KCNIP4: variants seen among roughly 807,000 people sequenced by gnomAD.
The protein encoded by KCNIP4 is potassium voltage-gated channel interacting protein 4.
A neutral mutation model predicts 34.0 loss-of-function variants in KCNIP4; 12 were observed. The observed-to-expected ratio is 0.35, with a 90% confidence interval of 0.23 to 0.57. The LOEUF (loss-of-function observed/expected upper bound fraction) is 0.57. Ranked by LOEUF, KCNIP4 falls within the 20% of genes least tolerant of loss-of-function variation. The probability of loss-of-function intolerance (pLI) is 0.83; values close to 1 mark genes in which losing one functional copy is unlikely to be tolerated. For synonymous variants in KCNIP4, 124 were observed against 102.2 expected (o/e 1.21, Z -1.29); for missense variants, 238 against 311.7 (o/e 0.76, Z 1.78).
chr4:21,700,919 A>C lies in KCNIP4; in HGVS notation c.61+247652T>G, dbSNP rs533823710. 1.9e-4 allele frequency among the ~76,000 whole-genome samples: 29 copies of C among 152,294 alleles called. 2 individuals are homozygous for C. The South Asian group carries it at 6.0e-3, about 32-fold the overall frequency. On this transcript the variant is annotated intron_variant, in intron 1 of 8. Coordinates refer to ENST00000382152, the MANE Select transcript of KCNIP4 (RefSeq NM_025221.6). Reference sequence around the variant, plus strand: ...CTACTTCTGGGGATATATATAAAAAATTAAATTAGTATGTCAAAAAGATAT... The same window carrying C: ...CTACTTCTGGGGATATATATAAAAACTTAAATTAGTATGTCAAAAAGATAT...
At chr4:21,910,656 C>T (rs1728254607) in intron 1 of KCNIP4, among the ~76,000 whole-genome samples, 1 of 152,144 alleles carries the variant, frequency 6.6e-6, no homozygotes, top group African/African-American at 2.4e-5. Context: ...CCATAAGGCA[C>T]TAAATTATAT....
intron 1 of KCNIP4, among the ~76,000 whole-genome samples, chr4:21,729,678 A>G (rs1560671122): frequency 6.6e-6 from 1 of 152,194 alleles, no homozygotes; most frequent in South Asian, 2.1e-4. Context: ...AATGTTTCCT[A>G]TAAGTTTACA....
chr4:21,206,424 A>T (rs968529369), intron 1 of KCNIP4, among the ~76,000 whole-genome samples: 4 of 152,152 alleles, frequency 2.6e-5, no homozygotes, highest in Non-Finnish European at 5.9e-5. Context: ...AAAATACATT[A>T]TGGAGAGAGG....
chr4:21,837,448 T>C (rs1454481579), intron 1 of KCNIP4, among the ~76,000 whole-genome samples: 6 of 143,880 alleles, frequency 4.2e-5, no homozygotes, highest in Non-Finnish European at 9.0e-5. Context: ...GGCAGGAGAA[T>C]CACTTGAACC....
chr4:21,418,084 T>A (rs746324707), intron 1 of KCNIP4, among the ~76,000 whole-genome samples: 1 of 152,188 alleles, frequency 6.6e-6, no homozygotes, highest in Non-Finnish European at 1.5e-5. Flanking sequence ...CCTTGATTTC[T>A]GTAGCCAGAT....
chr4:20,979,209 T>C (rs1408067180), intron 1 of KCNIP4, among the ~76,000 whole-genome samples: 1 of 147,634 alleles, frequency 6.8e-6, no homozygotes, highest in Non-Finnish European at 1.5e-5. Flanking sequence ...TGAAATAAAG[T>C]ATAAGTATAT....
intron 1 of KCNIP4, among the ~76,000 whole-genome samples, chr4:21,251,756 A>C (rs1017359918): frequency 6.6e-6 from 1 of 151,834 alleles, no homozygotes; most frequent in African/African-American, 2.4e-5. Flanking sequence ...GTAAACTATC[A>C]CAAGAACAAA....
chr4:21,519,636 A>ACGTGTGTGT (rs1735257625), intron 1 of KCNIP4, among the ~76,000 whole-genome samples: 2 of 115,604 alleles, frequency 1.7e-5, no homozygotes, highest in African/African-American at 3.2e-5. Context: ...GTATATACAC[A>ACGTGTGTGT]AATGTGTGTG....
At chr4:21,609,038 C>T (rs1743945519) in intron 1 of KCNIP4, 1 of 152,098 alleles carries the variant, frequency 6.6e-6, no homozygotes, top group African/African-American at 2.4e-5. Flanking sequence ...ACTGAAAATA[C>T]TAGGAGAACT....
intron 1 of KCNIP4, among the ~76,000 whole-genome samples, chr4:21,523,700 C>T (rs1231215470): frequency 6.6e-6 from 1 of 151,806 alleles, no homozygotes. Context: ...GCCTCATGAG[C>T]ATATGGGACT....
chr4:21,618,709 T>C (rs1341776481), intron 1 of KCNIP4, among the ~76,000 whole-genome samples: 1 of 145,860 alleles, frequency 6.9e-6, no homozygotes, highest in Non-Finnish European at 1.5e-5. Flanking sequence ...CTTGGCTCAC[T>C]GCAAGCTCCG....
intron 2 of KCNIP4, among the ~76,000 whole-genome samples, chr4:20,864,285 TATATGTACAC>T (rs1722627687): frequency 6.6e-6 from 1 of 151,528 alleles, no homozygotes. Context: ...TATGTATGCA[TATATGTACAC>T]ATATGTATGC....
chr4:21,373,915 G>A (rs1294520610), intron 1 of KCNIP4, among the ~76,000 whole-genome samples: 1 of 146,010 alleles, frequency 6.8e-6, no homozygotes, highest in East Asian at 2.0e-4. Flanking sequence ...ATATTGGCCA[G>A]GCTGGTCTCA....
intron 1 of KCNIP4, among the ~76,000 whole-genome samples, chr4:20,981,795 C>T (rs1267406431): frequency 1.3e-5 from 2 of 152,148 alleles, no homozygotes; most frequent in Non-Finnish European, 2.9e-5. Context: ...AAAAGTTTCT[C>T]CAGCTTACTG....
intron 1 of KCNIP4, among the ~76,000 whole-genome samples, chr4:21,202,426 AAGAGGAG>A (rs967706835): frequency 6.6e-6 from 1 of 152,198 alleles, no homozygotes; most frequent in African/African-American, 2.4e-5. Context: ...TGAGGAATAC[AAGAGGAG>A]AGAGGCATGG....
intron 3 of KCNIP4, among the ~76,000 whole-genome samples, chr4:20,769,485 A>T (rs765326397): frequency 6.6e-6 from 1 of 152,308 alleles, no homozygotes; most frequent in East Asian, 1.9e-4. Context: ...ATTATGATGT[A>T]GTGAAATTCT....
intron 1 of KCNIP4, among the ~76,000 whole-genome samples, chr4:21,245,770 G>T (rs183680381): frequency 2.0e-5 from 3 of 152,000 alleles, no homozygotes; most frequent in South Asian, 2.1e-4. Flanking sequence ...ATCCTCTATC[G>T]CTAACAACAA....
intron 1 of KCNIP4, among the ~76,000 whole-genome samples, chr4:21,136,929 C>T (rs944786341): frequency 1.3e-5 from 2 of 152,128 alleles, no homozygotes; most frequent in African/African-American, 4.8e-5. Context: ...TTTTATGATG[C>T]TATACAAGCT....
At chr4:21,192,687 A>G (rs545911630) in intron 1 of KCNIP4, among the ~76,000 whole-genome samples, 3 of 152,262 alleles carry the variant, frequency 2.0e-5, no homozygotes, top group Admixed American at 6.5e-5. Flanking sequence ...GTGATTCATT[A>G]TAAGCACTGA....
Sources: allele counts gnomAD v4.1 joint callset (sites outside exome capture counted in the v4.1 genomes callset), GRCh38; gene constraint gnomAD v4.1.1; transcripts MANE v1.5; gene names NCBI Gene and HGNC (gene_info 2026-07-23, HGNC 2026-07-21).